Variants in CTNNA2 observed in about 807,000 individuals in gnomAD.
CTNNA2 encodes the protein catenin alpha-2.
Under a neutral mutation model 101.0 loss-of-function variants are expected in CTNNA2, and 42 were observed. That is an observed-to-expected ratio of 0.42 (90% CI 0.32 to 0.54). The LOEUF (loss-of-function observed/expected upper bound fraction) is 0.54. Ranked by LOEUF, CTNNA2 falls within the 20% of genes least tolerant of loss-of-function variation. The pLI is 0.14. For missense variants in CTNNA2, 871 were observed against 1,223.1 expected, an observed-to-expected ratio of 0.71 and a Z score of 4.29; for synonymous variants, 450 against 456.4, an observed-to-expected ratio of 0.99 and a Z score of 0.18.
intron 9 of CTNNA2, among the ~76,000 whole-genome samples, chr2:80,510,917 C>T (rs1266335640): frequency 6.6e-6 from 1 of 152,116 alleles, no homozygotes; most frequent in Non-Finnish European, 1.5e-5. Context: ...CACGTTCACT[C>T]ACAGTAATGA....
At chr2:79,408,812 C>T (rs1375474341) in intron 4 of CTNNA2, among the ~76,000 whole-genome samples, 1 of 151,876 alleles carries the variant, frequency 6.6e-6, no homozygotes, top group Non-Finnish European at 1.5e-5. Context: ...TGGGTATATA[C>T]CCAGTAATGG....
intron 3 of CTNNA2, among the ~76,000 whole-genome samples, chr2:79,806,073 T>C (rs767226808): frequency 1.3e-5 from 2 of 152,214 alleles, no homozygotes; most frequent in Non-Finnish European, 2.9e-5. Flanking sequence ...AAATTCTCTT[T>C]CCTGCTTCTC....
At chr2:79,214,125 G>A (rs1674214619) in intron 2 of CTNNA2, among the ~76,000 whole-genome samples, 2 of 152,166 alleles carry the variant, frequency 1.3e-5, no homozygotes, top group South Asian at 4.1e-4. Flanking sequence ...GAGAGCACAT[G>A]TGTTTTTACG....
chr2:80,129,800 G>T (rs899250151), intron 7 of CTNNA2, among the ~76,000 whole-genome samples: 1 of 152,102 alleles, frequency 6.6e-6, no homozygotes, highest in Admixed American at 6.5e-5. Flanking sequence ...TTGGAACCTG[G>T]ATCGGCCTGG....
intron 1 of CTNNA2, among the ~76,000 whole-genome samples, chr2:79,604,978 T>C (rs574533537): frequency 1.3e-5 from 2 of 152,222 alleles, no homozygotes; most frequent in African/African-American, 4.8e-5. Flanking sequence ...TGGCATCCAA[T>C]CACAAATTAC....
At chr2:80,195,862 T>C (rs1489729622) in intron 7 of CTNNA2, among the ~76,000 whole-genome samples, 1 of 152,018 alleles carries the variant, frequency 6.6e-6, no homozygotes, top group Non-Finnish European at 1.5e-5. Context: ...GGAGGATCAC[T>C]TGAGGGCAAG....
intron 7 of CTNNA2, among the ~76,000 whole-genome samples, chr2:80,201,371 T>TTC (rs1707199443): frequency 7.4e-6 from 1 of 136,036 alleles, no homozygotes; most frequent in African/African-American, 2.8e-5. Flanking sequence ...TTCTTTCTTT[T>TTC]TTTTTTTTTT....
At chr2:80,645,217 A>G (rs1319770224) in intron 18 of CTNNA2, among the ~76,000 whole-genome samples, 1 of 152,144 alleles carries the variant, frequency 6.6e-6, no homozygotes, top group African/African-American at 2.4e-5. Flanking sequence ...CATTTTTGAA[A>G]CCTGACAGAC....
At chr2:79,377,529 T>C (rs1032643866) in intron 4 of CTNNA2, among the ~76,000 whole-genome samples, 5 of 152,192 alleles carry the variant, frequency 3.3e-5, no homozygotes, top group African/African-American at 7.2e-5. Context: ...CATTTTGTTC[T>C]AGCCTATCTT....
At chr2:79,832,239 G>A (rs1678985078) in intron 3 of CTNNA2, among the ~76,000 whole-genome samples, 1 of 152,138 alleles carries the variant, frequency 6.6e-6, no homozygotes, top group Non-Finnish European at 1.5e-5. Context: ...ACTACCTAGA[G>A]GAATTTGAAA....
At chr2:80,535,055 A>G (rs1690886840) in intron 9 of CTNNA2, among the ~76,000 whole-genome samples, 2 of 152,328 alleles carry the variant, frequency 1.3e-5, no homozygotes, top group Non-Finnish European at 2.9e-5. Flanking sequence ...ATAAGCAGTG[A>G]CAAAAAGAAT....
intron 7 of CTNNA2, among the ~76,000 whole-genome samples, chr2:80,150,044 C>T (rs921227257): frequency 6.6e-6 from 1 of 152,080 alleles, no homozygotes; most frequent in South Asian, 2.1e-4. Context: ...GCTCCAGAGG[C>T]CCTCTGCACA....
intron 3 of CTNNA2, among the ~76,000 whole-genome samples, chr2:79,854,917 A>G (rs921654783): frequency 3.9e-5 from 6 of 152,192 alleles, no homozygotes; most frequent in Non-Finnish European, 4.4e-5. Flanking sequence ...ATTCCTGGGA[A>G]AGTAGCTAAT....
At chr2:79,971,081 T>C (rs73938434) in intron 7 of CTNNA2, among the ~76,000 whole-genome samples, 3,027 of 152,220 alleles carry the variant, frequency 0.02, 110 homozygotes, top group African/African-American at 0.069. Context: ...CGTATAATGC[T>C]GGGGAGGCGA....
chr2:79,426,504 T>A (rs1040680958), intron 4 of CTNNA2, among the ~76,000 whole-genome samples: 4 of 152,146 alleles, frequency 2.6e-5, no homozygotes, highest in Admixed American at 6.6e-5. Flanking sequence ...AGCCAAAGCC[T>A]AATCCATACA....
At chr2:80,646,693 A>T (rs1340742975) in intron 18 of CTNNA2, among the ~76,000 whole-genome samples, 2 of 152,048 alleles carry the variant, frequency 1.3e-5, no homozygotes, top group African/African-American at 2.4e-5. Context: ...GACAGAAAAA[A>T]GGTAACCCAA....
At chr2:80,284,502 C>T (rs563661488) in intron 7 of CTNNA2, among the ~76,000 whole-genome samples, 1 of 152,264 alleles carries the variant, frequency 6.6e-6, no homozygotes, top group African/African-American at 2.4e-5. Context: ...GTTTCCTCTT[C>T]AGTGCTCTTA....
chr2:80,317,363 C>A (rs573808405), intron 7 of CTNNA2, among the ~76,000 whole-genome samples: 1 of 152,142 alleles, frequency 6.6e-6, no homozygotes, highest in African/African-American at 2.4e-5. Flanking sequence ...CATCAAAATT[C>A]TGTGAGATCC....
chr2:80,525,391 T>A (rs901773209), intron 9 of CTNNA2, among the ~76,000 whole-genome samples: 9 of 152,048 alleles, frequency 5.9e-5, no homozygotes, highest in Non-Finnish European at 8.8e-5. Flanking sequence ...GATTTCCCCT[T>A]CTGTGTTGGT....
Sources: gnomAD v4.1 joint callset for allele counts (sites outside exome capture counted in the v4.1 genomes callset) on GRCh38, gnomAD v4.1.1 for gene constraint, MANE v1.5 for transcripts, NCBI Gene and HGNC (gene_info 2026-07-23, HGNC 2026-07-21) for gene names.